The following C2orf42 variants were observed in gnomAD, a reference collection of about 807,000 sequenced individuals.
The protein encoded by C2orf42 is chromosome 2 open reading frame 42.
In C2orf42, 44 loss-of-function variants were observed where a neutral mutation model predicts 58.9. The ratio of observed to expected loss-of-function variants is 0.75; its 90% CI spans 0.59 to 0.96. The LOEUF is 0.96. Among genes scored for constraint, C2orf42 ranks in the 40% least tolerant of loss-of-function variants. The pLI is 0.00. For synonymous variants in C2orf42, 239 were observed against 265.4 expected (o/e 0.90, Z 0.97); for missense variants, 630 against 699.2 (o/e 0.90, Z 1.12).
At chr2:70,170,356 C>T (rs1486079254) in intron 5 of C2orf42, among the ~76,000 whole-genome samples, 1 of 151,820 alleles carries the variant, frequency 6.6e-6, no homozygotes, top group Non-Finnish European at 1.5e-5. Flanking sequence ...AAGCGATTCT[C>T]ATGCCTCAGC....
chr2:70,183,498 C>T (rs1269791613), intron 1 of C2orf42, among the ~76,000 whole-genome samples: 2 of 151,220 alleles, frequency 1.3e-5, no homozygotes, highest in Non-Finnish European at 2.9e-5. Context: ...GGCGCAATCT[C>T]GGCTCACTGC....
At chr2:70,151,588 C>T (rs1338535262) in intron 9 of C2orf42, among the ~76,000 whole-genome samples, 1 of 151,682 alleles carries the variant, frequency 6.6e-6, no homozygotes, top group Non-Finnish European at 1.5e-5. Context: ...GAGCCAAGAT[C>T]GCACCACTTC....
chr2:70,178,650 C>T (rs960530240), intron 4 of C2orf42, among the ~76,000 whole-genome samples: 1 of 149,928 alleles, frequency 6.7e-6, no homozygotes. Context: ...CAGCGGCTCA[C>T]GCCTTACTTA....
intron 4 of C2orf42, among the ~76,000 whole-genome samples, chr2:70,178,980 C>T (rs1262086972): frequency 6.6e-6 from 1 of 151,462 alleles, no homozygotes; most frequent in Non-Finnish European, 1.5e-5. Flanking sequence ...GTGTGTTTCT[C>T]CATATACTGA....
chr2:70,181,226 C>T lies in C2orf42; in HGVS notation c.760G>A (p.Ala254Thr). 1 of 1,603,226 alleles carries T rather than the reference C, an allele frequency of 6.2e-7. No homozygotes were observed. Among genetic ancestry groups the T allele is most frequent in the Non-Finnish European group, 8.5e-7 (1 of 1,171,564 alleles). The change falls in exon 3 of 10, where the codon GCC (alanine) becomes ACC (threonine). Residue 254 changes from alanine (A) to threonine (T), a missense_variant. By Grantham distance (58) the Ala-to-Thr change is moderately conservative. Transcript: ENST00000264434. ...GCCAGTGTCTCATCACTGGCAAAGGCACAGATGCAAGCAAAGAAATGAATG... is the reference window on the plus strand; with the variant it reads ...GCCAGTGTCTCATCACTGGCAAAGGTACAGATGCAAGCAAAGAAATGAATG... ...RCIHFFACIC[A>T]FASDETLAQE...
At position 70,175,750 on chromosome 2, in the gene C2orf42, G is replaced by C. The variant is rs140807273; in HGVS notation, c.962C>G (p.Pro321Arg). 145 of 1,610,052 alleles carry C rather than the reference G, an allele frequency of 9.0e-5. 1 individual carries two copies. In the African/African-American group the frequency reaches 1.8e-3, roughly 20 times the overall value. Residue 321 changes from proline to arginine, a missense_variant, in exon 5 of 10, where the codon CCT becomes CGT. Pro to Arg is a moderately radical substitution (Grantham distance 103). Transcript: ENST00000264434. ...TAGATTACTGCTCACTGCATCTTGA[G>C]GCAGTAGTGAACTGTTCATCTGTGC... ...SGAQMNSSLL[P>R]QDAVSSNLRK...
intron 9 of C2orf42, among the ~76,000 whole-genome samples, chr2:70,154,502 T>C (rs1672531694): frequency 1.4e-5 from 2 of 144,632 alleles, no homozygotes. Context: ...AGTGTGGTAC[T>C]AGCATGCATC....
In C2orf42 at chr2:70,175,547, C is replaced by A. The variant is rs1674130038; in HGVS notation, c.1039+126G>T. The A allele has an allele frequency of 7.0e-6, 5 of 717,702 alleles. No individual in the cohort carries two copies. In the South Asian group the frequency reaches 7.7e-5, roughly 11 times the overall value. 44.5% of individuals were successfully genotyped at this position (717,702 alleles called of 1,614,324 possible). A position where few individuals can be genotyped will look rare whatever the true frequency, so the allele number is the denominator to read the frequency against. ...ACTGGTGGGACAGGAGGGACCTCAG[C>A]CTCAGTGCTTCTGTTAGTATTTATG... On this transcript the variant is annotated intron_variant, in intron 5 of 9. Transcript: ENST00000264434.
rs113918274 is a variant in C2orf42, at chr2:70,167,003, CTT to C, written c.1145-1370_1145-1369del. On this transcript the variant is annotated intron_variant, in intron 6 of 9. Coordinates refer to ENST00000264434, the MANE Select transcript of C2orf42 (RefSeq NM_017880.3). ...CACTGCTTACCCAGCAAGCATCTGT[CTT>C]TCTCTCTGAATATGACCTCAAGGCA... 5.7e-3 allele frequency among the ~76,000 whole-genome samples: 864 copies of C among 152,302 alleles called. 11 individuals are homozygous for C. The highest frequency in any genetic ancestry group is 0.02 in the Middle Eastern group (6 of 294).
intron 9 of C2orf42, among the ~76,000 whole-genome samples, chr2:70,160,359 C>T (rs1672976067): frequency 6.6e-6 from 1 of 152,142 alleles, no homozygotes; most frequent in South Asian, 2.1e-4. Context: ...CCAGGCTGGT[C>T]TCAAAACTCC....
chr2:70,190,006 A>G (rs12624244), intron 1 of C2orf42, among the ~76,000 whole-genome samples: 10,235 of 152,196 alleles, frequency 0.067, 389 homozygotes, highest in East Asian at 0.18. Flanking sequence ...TACAATGTCT[A>G]TTGCATCAGA....
chr2:70,186,874 G>A (rs1446001937), intron 1 of C2orf42, among the ~76,000 whole-genome samples: 1 of 149,512 alleles, frequency 6.7e-6, no homozygotes, highest in Non-Finnish European at 1.5e-5. Context: ...AACACCGCAT[G>A]TTCTCACTCA....
intron 9 of C2orf42, among the ~76,000 whole-genome samples, chr2:70,158,743 CGGCCACGCCT>C (rs1406017455): frequency 2.0e-5 from 3 of 151,918 alleles, no homozygotes; most frequent in African/African-American, 7.3e-5. Flanking sequence ...TCACCACGCC[CGGCCACGCCT>C]GGCTAATTTT....
At chr2:70,150,879 G>A (rs1672266383) in intron 9 of C2orf42, among the ~76,000 whole-genome samples, 1 of 152,134 alleles carries the variant, frequency 6.6e-6, no homozygotes, top group African/African-American at 2.4e-5. Context: ...CTGAGTAGCT[G>A]GGATTACAGG....
intron 6 of C2orf42, 122 bp downstream of exon 6, chr2:70,169,434 CT>C (rs1673643732): frequency 2.2e-6 from 1 of 455,460 alleles, no homozygotes; most frequent in African/African-American, 2.0e-5. Flanking sequence ...TTTCTACTTT[CT>C]TGTGGCCCAG....
intron 9 of C2orf42, among the ~76,000 whole-genome samples, chr2:70,158,653 T>C (rs572013489): frequency 4.6e-5 from 7 of 152,218 alleles, no homozygotes; most frequent in African/African-American, 1.7e-4. Context: ...TTTCACCATG[T>C]TGGCCAGGAT....
chr2:70,154,629 C>A (rs767907239), intron 9 of C2orf42, among the ~76,000 whole-genome samples: 35 of 151,950 alleles, frequency 2.3e-4, no homozygotes, highest in Non-Finnish European at 4.9e-4. Context: ...ATAAGTGTTT[C>A]TTCTAATAAA....
chr2:70,167,801 G>A (rs1384130439), intron 6 of C2orf42, among the ~76,000 whole-genome samples: 1 of 152,092 alleles, frequency 6.6e-6, no homozygotes, highest in Non-Finnish European at 1.5e-5. Flanking sequence ...CAAGGAGCGA[G>A]CTGATGGAAA....
chr2:70,165,543 G>T lies in C2orf42; in HGVS notation c.1237C>A (p.Pro413Thr). The T allele has an allele frequency of 6.3e-7, 1 of 1,594,638 alleles. No individual in the cohort carries two copies. The highest frequency in any genetic ancestry group is 8.6e-7 in the Non-Finnish European group (1 of 1,162,260). ...AATCCTGTACCTGTGGTGGAGTTGG[G>T]GAGCCGTTTTTTTGCACTTCCTATA... ...ISIGSAKKRL[P>T]NSTTAFVRKD... The change falls in exon 7 of 10, where the codon CCC becomes ACC. Residue 413 changes from proline (P) to threonine (T), a missense_variant. Coordinates refer to ENST00000264434, the MANE Select transcript of C2orf42 (RefSeq NM_017880.3).
Sources: gnomAD v4.1 joint callset for allele counts (sites outside exome capture counted in the v4.1 genomes callset) on GRCh38, gnomAD v4.1.1 for gene constraint, MANE v1.5 for transcripts, NCBI Gene and HGNC (gene_info 2026-07-23, HGNC 2026-07-21) for gene names.